The following FSTL4 variants were observed in gnomAD, a reference collection of about 807,000 sequenced individuals.
FSTL4 encodes follistatin like 4.
Under a neutral mutation model 78.2 loss-of-function variants are expected in FSTL4, and 28 were observed. The observed-to-expected ratio is 0.36, with a 90% CI of 0.27 to 0.49. The LOEUF is 0.49. Among genes scored for constraint, FSTL4 ranks in the 20% least tolerant of loss-of-function variants. The pLI, the probability that FSTL4 is intolerant of heterozygous loss-of-function variation, is 0.98. For missense variants in FSTL4, 922 were observed against 1,084.9 expected (o/e 0.85, Z 2.11); for synonymous variants, 422 against 440.5 (o/e 0.96, Z 0.53).
At chr5:133,502,804 T>C (rs989027052) in intron 3 of FSTL4, among the ~76,000 whole-genome samples, 1 of 152,188 alleles carries the variant, frequency 6.6e-6, no homozygotes, top group African/African-American at 2.4e-5. Context: ...CCTCTTTTCT[T>C]TATAAATTAC....
chr5:133,828,319 C>T, the FSTL4 span, among the ~76,000 whole-genome samples: 1 of 152,172 alleles, frequency 6.6e-6, no homozygotes, highest in African/African-American at 2.4e-5. Flanking sequence ...ACACATGTGC[C>T]TAGTGGATCC....
the FSTL4 span, among the ~76,000 whole-genome samples, chr5:133,830,018 G>A: frequency 2.0e-5 from 3 of 152,160 alleles, no homozygotes; most frequent in Admixed American, 1.3e-4. Context: ...GCCTGGATGA[G>A]GATGAGGGGT....
At chr5:133,431,219 C>G (rs1756930921) in intron 3 of FSTL4, among the ~76,000 whole-genome samples, 1 of 152,210 alleles carries the variant, frequency 6.6e-6, no homozygotes, top group Non-Finnish European at 1.5e-5. Context: ...GCAGCCACTA[C>G]CAAGAGAACT....
the FSTL4 span, among the ~76,000 whole-genome samples, chr5:133,674,217 C>T: frequency 4.6e-5 from 7 of 152,178 alleles, no homozygotes; most frequent in Non-Finnish European, 7.3e-5. Context: ...AAATCATTCC[C>T]AATGATCTGG....
At chr5:133,558,083 G>A (rs1487668193) in intron 3 of FSTL4, among the ~76,000 whole-genome samples, 1 of 152,188 alleles carries the variant, frequency 6.6e-6, no homozygotes, top group Non-Finnish European at 1.5e-5. Context: ...GGTACACCAG[G>A]TAGACATCTG....
At chr5:133,539,993 C>T (rs984838049) in intron 3 of FSTL4, among the ~76,000 whole-genome samples, 8 of 151,106 alleles carry the variant, frequency 5.3e-5, no homozygotes, top group Non-Finnish European at 1.2e-4. Flanking sequence ...AATAGCGACA[C>T]TTTGAGTAAA....
At chr5:133,348,534 A>G (rs1754749839) in intron 4 of FSTL4, among the ~76,000 whole-genome samples, 1 of 152,206 alleles carries the variant, frequency 6.6e-6, no homozygotes. Context: ...GCCATGGGAA[A>G]GGGGCTGCAA....
intron 6 of FSTL4, among the ~76,000 whole-genome samples, chr5:133,269,832 A>G (rs1752729091): frequency 6.6e-6 from 1 of 152,174 alleles, no homozygotes; most frequent in South Asian, 2.1e-4. Flanking sequence ...GACCCTTATG[A>G]ATATGGGTTT....
At chr5:133,638,052 A>G in the FSTL4 span, among the ~76,000 whole-genome samples, 1 of 152,190 alleles carries the variant, frequency 6.6e-6, no homozygotes, top group Non-Finnish European at 1.5e-5. Context: ...ACTTTCTGAA[A>G]TCACATCACA....
At chr5:133,757,491 C>G in the FSTL4 span, among the ~76,000 whole-genome samples, 1 of 152,292 alleles carries the variant, frequency 6.6e-6, no homozygotes, top group Admixed American at 6.5e-5. Context: ...TACTTGGCAG[C>G]TGAAATTTTG....
chr5:133,320,276 G>A (rs1300197051), intron 4 of FSTL4, among the ~76,000 whole-genome samples: 1 of 152,124 alleles, frequency 6.6e-6, no homozygotes, highest in East Asian at 1.9e-4. Flanking sequence ...AGCAAGGTGT[G>A]TCAAAGTCAT....
chr5:133,456,010 T>C (rs1437142029), intron 3 of FSTL4, among the ~76,000 whole-genome samples: 2 of 152,248 alleles, frequency 1.3e-5, no homozygotes, highest in Admixed American at 1.3e-4. Flanking sequence ...TGTCTTGTCA[T>C]CAGCAAGTTC....
intron 3 of FSTL4, among the ~76,000 whole-genome samples, chr5:133,464,172 G>A (rs535151204): frequency 2.0e-4 from 30 of 152,240 alleles, no homozygotes; most frequent in Admixed American, 3.9e-4. Flanking sequence ...TGTTGGGGCC[G>A]CCCCTCCCCG....
chr5:133,404,316 CAAT>C (rs1268770430), intron 3 of FSTL4, among the ~76,000 whole-genome samples: 1 of 152,148 alleles, frequency 6.6e-6, no homozygotes, highest in African/African-American at 2.4e-5. Context: ...ACTCCTACCA[CAAT>C]GATGATAAAA....
At chr5:133,675,352 G>A in the FSTL4 span, among the ~76,000 whole-genome samples, 9 of 152,192 alleles carry the variant, frequency 5.9e-5, no homozygotes, top group African/African-American at 2.2e-4. Flanking sequence ...TCTCCAAATC[G>A]CAATTTGAAG....
In FSTL4 at chr5:133,463,493, T is replaced by C. The variant is rs112481137; in HGVS notation, c.161-62507A>G. The stretch of plus-strand genomic sequence containing the variant: ...CAACCAAGTGTTAGAGCAATTTCTC[T>C]TCACCACTGGCCATCCATTTTCCCC... On this transcript the variant is annotated intron_variant, in intron 3 of 15. Coordinates refer to ENST00000265342, the MANE Select transcript of FSTL4 (RefSeq NM_015082.2). 3.3e-3 allele frequency among the ~76,000 whole-genome samples: 505 copies of C among 152,348 alleles called. 3 individuals carry two copies. Among genetic ancestry groups the C allele is most frequent in the African/African-American group, 0.012 (480 of 41,572 alleles).
chr5:133,202,120 G>A, intron 14 of FSTL4, 78 bp from the exon 15 acceptor site: 2 of 877,152 alleles, frequency 2.3e-6, no homozygotes, highest in Non-Finnish European at 3.6e-6. Context: ...ACGCTCAGGT[G>A]GAGTCACCCC....
chr5:133,777,380 G>A, the FSTL4 span, among the ~76,000 whole-genome samples: 22 of 152,342 alleles, frequency 1.4e-4, no homozygotes, highest in Non-Finnish European at 2.1e-4. Context: ...ATAGTGGGAC[G>A]TAGCGTGACA....
rs538434945 is a variant in FSTL4, at chr5:133,611,704, C to T, written c.-11+621G>A. Among the ~76,000 whole-genome samples, 25 of 152,336 alleles carry T rather than the reference C, an allele frequency of 1.6e-4. No individual in the cohort carries two copies. Among genetic ancestry groups the T allele is most frequent in the African/African-American group, 5.5e-4 (23 of 41,590 alleles). On this transcript the variant is annotated intron_variant, in intron 1 of 15. Transcript: ENST00000265342. This position sits in a 1 kb window ranked among gnomAD's most constrained non-coding sequence, Gnocchi z 4.9. Reference sequence around the variant, plus strand: ...AGGCTGCCTGGAGTCGGGTCGTGCCCTGATTCCTTCCTCCCCAGCCTCACA... The same window carrying T: ...AGGCTGCCTGGAGTCGGGTCGTGCCTTGATTCCTTCCTCCCCAGCCTCACA...
Sources: allele counts gnomAD v4.1 joint callset (sites outside exome capture counted in the v4.1 genomes callset), GRCh38; gene constraint gnomAD v4.1.1; non-coding constraint Gnocchi (gnomAD v3.1); transcripts MANE v1.5; gene names NCBI Gene and HGNC (gene_info 2026-07-23, HGNC 2026-07-21).